Variants in LRP1B observed in about 807,000 individuals in gnomAD.
LRP1B encodes the protein LDL receptor related protein 1B, also known as low-density lipoprotein receptor-related protein 1B.
Under a neutral mutation model 556.6 loss-of-function variants are expected in LRP1B, and 217 were observed. The observed-to-expected ratio is 0.39, with a 90% CI of 0.35 to 0.44. The LOEUF (loss-of-function observed/expected upper bound fraction) is 0.44, where lower values mean the gene tolerates loss of function less well. LRP1B is among the 20% of genes least tolerant of loss of function. The pLI is 1.00. For synonymous variants in LRP1B, 2,047 were observed against 1,865.8 expected (o/e 1.10, Z -2.50); for missense variants, 5,053 against 5,620.8 (o/e 0.90, Z 3.23).
intron 2 of LRP1B, among the ~76,000 whole-genome samples, chr2:141,678,343 A>C (rs1394509956): frequency 2.0e-5 from 3 of 152,150 alleles, no homozygotes; most frequent in Non-Finnish European, 4.4e-5. Context: ...TAAGGGAAAA[A>C]CCAATATACG....
chr2:140,605,952 T>C (rs1272983879), intron 41 of LRP1B, among the ~76,000 whole-genome samples: 1 of 152,054 alleles, frequency 6.6e-6, no homozygotes, highest in Non-Finnish European at 1.5e-5. Context: ...AGCAAACATG[T>C]CCACTTTTGC....
chr2:140,754,946 A>G (rs1174679418), intron 35 of LRP1B, among the ~76,000 whole-genome samples: 1 of 152,048 alleles, frequency 6.6e-6, no homozygotes, highest in African/African-American at 2.4e-5. Flanking sequence ...AAATGGAGAA[A>G]AAAATGAAAT....
At chr2:140,337,393 T>C (rs1031395349) in intron 77 of LRP1B, among the ~76,000 whole-genome samples, 2 of 151,996 alleles carry the variant, frequency 1.3e-5, no homozygotes, top group Admixed American at 6.6e-5. Context: ...AGAAATGTCA[T>C]ATAAATAATA....
intron 59 of LRP1B, among the ~76,000 whole-genome samples, chr2:140,484,572 C>T (rs947781792): frequency 1.3e-5 from 2 of 152,114 alleles, no homozygotes; most frequent in African/African-American, 4.8e-5. Context: ...GGTTGAACTT[C>T]TCCAAAGATC....
At chr2:140,843,136 T>C (rs1692173362) in intron 29 of LRP1B, among the ~76,000 whole-genome samples, 1 of 134,642 alleles carries the variant, frequency 7.4e-6, no homozygotes, top group South Asian at 2.6e-4. Context: ...GGGGTAAGCA[T>C]TGTCTCTGCT....
chr2:140,814,461 A>G (rs1352990707), intron 31 of LRP1B, among the ~76,000 whole-genome samples: 1 of 152,172 alleles, frequency 6.6e-6, no homozygotes, highest in African/African-American at 2.4e-5. Flanking sequence ...GACATTCCAG[A>G]TATTTTTGAA....
chr2:141,764,955 G>A lies in LRP1B; in HGVS notation c.205+45324C>T, dbSNP rs186972082. Reference sequence around the variant, plus strand: ...TATTATTTTTTAAATTGGTGCCAGAGGATAACTAATATTATTGAAGCTGGC... The same window carrying A: ...TATTATTTTTTAAATTGGTGCCAGAAGATAACTAATATTATTGAAGCTGGC... On this transcript the variant is annotated intron_variant, in intron 2 of 90. Transcript: ENST00000389484. Among the ~76,000 whole-genome samples, 44 of 152,166 alleles carry A rather than the reference G, an allele frequency of 2.9e-4. No homozygotes were observed. In the East Asian group the frequency reaches 6.4e-3, roughly 22 times the overall value.
At chr2:141,232,907 C>T (rs1204327783) in intron 5 of LRP1B, among the ~76,000 whole-genome samples, 1 of 152,180 alleles carries the variant, frequency 6.6e-6, no homozygotes, top group African/African-American at 2.4e-5. Flanking sequence ...TCCTCAAGGT[C>T]TAAGGATCCA....
intron 22 of LRP1B, among the ~76,000 whole-genome samples, chr2:140,907,656 T>C (rs1168772746): frequency 1.3e-5 from 2 of 152,138 alleles, no homozygotes; most frequent in South Asian, 4.1e-4. Context: ...AACTTCGATA[T>C]AGGCTAGCTT....
intron 3 of LRP1B, among the ~76,000 whole-genome samples, chr2:141,306,353 A>G (rs371227091): frequency 1.3e-5 from 2 of 152,080 alleles, no homozygotes; most frequent in East Asian, 1.9e-4. Flanking sequence ...TCTTAATTTA[A>G]TCTTGGTAGA....
chr2:142,106,813 G>A (rs887094269), intron 1 of LRP1B, among the ~76,000 whole-genome samples: 2 of 151,890 alleles, frequency 1.3e-5, no homozygotes, highest in African/African-American at 4.8e-5. Context: ...CTCATATCTA[G>A]GCAATGCTAT....
intron 1 of LRP1B, among the ~76,000 whole-genome samples, chr2:141,885,846 G>GT (rs1699095235): frequency 6.6e-6 from 1 of 152,202 alleles, no homozygotes; most frequent in Admixed American, 6.5e-5. Context: ...GTAAATAAAA[G>GT]TAAGGATATG....
At chr2:141,802,681 G>A (rs1205853507) in intron 2 of LRP1B, among the ~76,000 whole-genome samples, 1 of 152,072 alleles carries the variant, frequency 6.6e-6, no homozygotes, top group Non-Finnish European at 1.5e-5. Flanking sequence ...ATCCTTTAGT[G>A]CTTCATTTAG....
intron 2 of LRP1B, among the ~76,000 whole-genome samples, chr2:141,552,421 G>T (rs889533016): frequency 2.6e-5 from 4 of 152,036 alleles, no homozygotes; most frequent in African/African-American, 9.6e-5. Flanking sequence ...TTGGTAATAT[G>T]CTTAAAACAA....
intron 7 of LRP1B, among the ~76,000 whole-genome samples, chr2:141,072,729 C>T (rs2105485909): frequency 6.6e-6 from 1 of 152,154 alleles, no homozygotes. Flanking sequence ...CTTTGATTCA[C>T]TTCACCTCAC....
chr2:141,590,971 CTCTT>C (rs1257026921), intron 2 of LRP1B, among the ~76,000 whole-genome samples: 2 of 152,140 alleles, frequency 1.3e-5, no homozygotes, highest in Non-Finnish European at 2.9e-5. Context: ...ACAAGTTTTC[CTCTT>C]TCTTTGCCTC....
At chr2:140,309,006 T>C (rs28689621) in intron 83 of LRP1B, among the ~76,000 whole-genome samples, 2,605 of 151,826 alleles carry the variant, frequency 0.017, 79 homozygotes, top group African/African-American at 0.06. Flanking sequence ...TGTGAATCTG[T>C]CTTGACTTCA....
At chr2:140,871,662 ATTT>A (rs761652534) in intron 25 of LRP1B, among the ~76,000 whole-genome samples, 1 of 151,978 alleles carries the variant, frequency 6.6e-6, no homozygotes, top group East Asian at 1.9e-4. Context: ...CATTTTGGAG[ATTT>A]TTTATTTTGA....
chr2:140,304,518 T>A (rs1683979811), intron 83 of LRP1B, among the ~76,000 whole-genome samples: 1 of 152,212 alleles, frequency 6.6e-6, no homozygotes. Context: ...TTTTTTCTTG[T>A]AAATTTGTTT....
Sources: allele counts gnomAD v4.1 joint callset (sites outside exome capture counted in the v4.1 genomes callset), GRCh38; gene constraint gnomAD v4.1.1; transcripts MANE v1.5; gene names NCBI Gene and HGNC (gene_info 2026-07-23, HGNC 2026-07-21).